DPP10: variants seen among roughly 807,000 people sequenced by gnomAD.
DPP10 encodes dipeptidyl peptidase like 10.
Under a neutral mutation model 120.9 loss-of-function variants are expected in DPP10, and 33 were observed. The observed-to-expected ratio is 0.27, with a 90% CI of 0.21 to 0.37. The LOEUF is 0.37. Ranked by LOEUF, DPP10 falls within the 10% of genes least tolerant of loss-of-function variation. DPP10 has a pLI of 1.00. For missense variants in DPP10, 816 were observed against 942.8 expected, an observed-to-expected ratio of 0.87 and a Z score of 1.76; for synonymous variants, 337 against 326.1, an observed-to-expected ratio of 1.03 and a Z score of -0.36.
chr2:114,527,495 A>G (rs1258245256), intron 1 of DPP10, among the ~76,000 whole-genome samples: 1 of 152,178 alleles, frequency 6.6e-6, no homozygotes, highest in African/African-American at 2.4e-5. Flanking sequence ...ACAGTGAGCC[A>G]GAAGTTACTG....
chr2:115,442,451 T>C (rs1398391909), intron 3 of DPP10, among the ~76,000 whole-genome samples: 1 of 151,956 alleles, frequency 6.6e-6, no homozygotes, highest in East Asian at 1.9e-4. Context: ...TTAGCGTAAT[T>C]CCTGATTTGG....
intron 3 of DPP10, chr2:115,468,005 G>C (rs528706695): frequency 4.9e-5 from 15 of 306,086 alleles, no homozygotes; most frequent in Non-Finnish European, 9.6e-5. Flanking sequence ...ACCCAGAGAA[G>C]GGCCCAGATG....
intron 1 of DPP10, among the ~76,000 whole-genome samples, chr2:114,566,961 AT>A (rs1263387289): frequency 6.6e-6 from 1 of 152,120 alleles, no homozygotes; most frequent in Non-Finnish European, 1.5e-5. Flanking sequence ...TATGTGACTG[AT>A]TTCCCTAATG....
intron 5 of DPP10, among the ~76,000 whole-genome samples, chr2:115,584,377 TAAAG>T (rs961219408): frequency 2.0e-5 from 3 of 149,306 alleles, no homozygotes; most frequent in East Asian, 3.9e-4. Context: ...AGCAATAAAA[TAAAG>T]AAGGGAGGGA....
chr2:115,828,719 A>G (rs2150089773), intron 21 of DPP10, among the ~76,000 whole-genome samples: 2 of 152,208 alleles, frequency 1.3e-5, no homozygotes, highest in South Asian at 4.1e-4. Flanking sequence ...AAAAACTTCT[A>G]TTTTATATAT....
At chr2:115,321,126 C>G (rs1296771497) in intron 2 of DPP10, among the ~76,000 whole-genome samples, 1 of 152,078 alleles carries the variant, frequency 6.6e-6, no homozygotes, top group Non-Finnish European at 1.5e-5. Flanking sequence ...ATGGCAAAAC[C>G]CTGTCTCTGC....
intron 1 of DPP10, among the ~76,000 whole-genome samples, chr2:114,685,317 T>C (rs1337469876): frequency 1.3e-5 from 2 of 150,222 alleles, no homozygotes; most frequent in African/African-American, 4.9e-5. Context: ...TACCCCATGC[T>C]GGGATAGTTA....
intron 1 of DPP10, among the ~76,000 whole-genome samples, chr2:114,794,388 A>T (rs1315058408): frequency 6.6e-6 from 1 of 152,182 alleles, no homozygotes; most frequent in Non-Finnish European, 1.5e-5. Flanking sequence ...CACAGATTTC[A>T]CAGAACTTAG....
At chr2:114,848,136 TA>T in intron 1 of DPP10, among the ~76,000 whole-genome samples, 1 of 152,268 alleles carries the variant, frequency 6.6e-6, no homozygotes, top group South Asian at 2.1e-4. Flanking sequence ...CCCGAGTTTA[TA>T]AAACAGAACA....
intron 1 of DPP10, among the ~76,000 whole-genome samples, chr2:114,604,016 T>C (rs980842938): frequency 1.3e-5 from 2 of 151,960 alleles, no homozygotes; most frequent in Admixed American, 1.3e-4. Flanking sequence ...CTTCCTAGAG[T>C]CATCCTCCGG....
At chr2:114,659,390 T>TTG (rs1211510362) in intron 1 of DPP10, among the ~76,000 whole-genome samples, 1 of 152,110 alleles carries the variant, frequency 6.6e-6, no homozygotes, top group African/African-American at 2.4e-5. Flanking sequence ...ACCACCTCAC[T>TTG]GGGGACTATT....
At chr2:114,499,334 G>C (rs549407591) in intron 1 of DPP10, among the ~76,000 whole-genome samples, 1 of 152,320 alleles carries the variant, frequency 6.6e-6, no homozygotes, top group East Asian at 1.9e-4. Context: ...CTGTTAGAAT[G>C]TGTAGATGCA....
chr2:114,549,838 G>C (rs1202569505), intron 1 of DPP10, among the ~76,000 whole-genome samples: 3 of 152,204 alleles, frequency 2.0e-5, no homozygotes, highest in East Asian at 3.9e-4. Context: ...AGAGCTGGAG[G>C]GGGTGTAAGA....
chr2:114,656,306 T>C (rs1210615368), intron 1 of DPP10, among the ~76,000 whole-genome samples: 1 of 152,060 alleles, frequency 6.6e-6, no homozygotes, highest in Non-Finnish European at 1.5e-5. Flanking sequence ...AACGAGCTTG[T>C]TGAAATTTTT....
At chr2:115,322,824 T>A (rs1342080039) in intron 2 of DPP10, among the ~76,000 whole-genome samples, 1 of 152,176 alleles carries the variant, frequency 6.6e-6, no homozygotes, top group African/African-American at 2.4e-5. Context: ...AAGTGTGCAA[T>A]CGCATTATGT....
chr2:115,013,893 T>C (rs993189715), intron 1 of DPP10, among the ~76,000 whole-genome samples: 3 of 152,060 alleles, frequency 2.0e-5, no homozygotes, highest in African/African-American at 7.2e-5. Flanking sequence ...GTAATAATAG[T>C]GGGAGACTTT....
intron 5 of DPP10, among the ~76,000 whole-genome samples, chr2:115,592,441 C>T (rs529474895): frequency 3.3e-5 from 5 of 152,042 alleles, no homozygotes; most frequent in African/African-American, 1.2e-4. Context: ...TACAAAAGGC[C>T]TTAGTAAGCT....
chr2:115,227,617 G>A (rs2057500804), intron 1 of DPP10, among the ~76,000 whole-genome samples: 1 of 151,968 alleles, frequency 6.6e-6, no homozygotes, highest in Non-Finnish European at 1.5e-5. Flanking sequence ...TATGTTTTTT[G>A]TTCAGATAGT....
intron 1 of DPP10, among the ~76,000 whole-genome samples, chr2:114,715,203 C>G (rs189396982): frequency 1.3e-5 from 2 of 152,126 alleles, no homozygotes; most frequent in Non-Finnish European, 2.9e-5. Context: ...TAATTAAGCA[C>G]CAAAATAAAG....
Sources: allele counts gnomAD v4.1 joint callset (sites outside exome capture counted in the v4.1 genomes callset), GRCh38; gene constraint gnomAD v4.1.1; transcripts MANE v1.5; gene names NCBI Gene and HGNC (gene_info 2026-07-23, HGNC 2026-07-21).